CCDC171: variants seen among roughly 807,000 people sequenced by gnomAD.
CCDC171 encodes coiled-coil domain-containing protein 171.
CCDC171 carries 177 observed loss-of-function variants against 168.2 expected under a neutral mutation model. The observed-to-expected ratio is 1.05, with a 90% CI of 0.93 to 1.19. The LOEUF (loss-of-function observed/expected upper bound fraction) is 1.19, where lower values mean the gene tolerates loss of function less well. Ranked by LOEUF, CCDC171 falls within the 50% of genes most tolerant of loss-of-function variation. CCDC171 has a pLI of 0.00. For synonymous variants in CCDC171, 687 were observed against 540.8 expected (o/e 1.27, Z -3.75); for missense variants, 1,991 against 1,539.0 (o/e 1.29, Z -4.91).
intron 18 of CCDC171, among the ~76,000 whole-genome samples, chr9:15,775,479 C>T (rs540302109): frequency 1.1e-4 from 17 of 152,114 alleles, no homozygotes; most frequent in South Asian, 2.1e-4. Flanking sequence ...CCACCACGCC[C>T]GGCTAATTTT....
intron 6 of CCDC171, among the ~76,000 whole-genome samples, chr9:15,599,834 A>G (rs1337259902): frequency 1.3e-5 from 2 of 151,846 alleles, no homozygotes; most frequent in Admixed American, 6.6e-5. Context: ...TTTCTTGGAG[A>G]CTTTCTTTGT....
At chr9:15,815,813 C>A (rs889650139) in intron 21 of CCDC171, among the ~76,000 whole-genome samples, 4 of 116,850 alleles carry the variant, frequency 3.4e-5, no homozygotes, top group Non-Finnish European at 7.7e-5. Context: ...ATTTAAAAGT[C>A]TTATCACTTT....
intron 4 of CCDC171, among the ~76,000 whole-genome samples, chr9:16,021,580 T>C (rs942485093): frequency 6.6e-6 from 1 of 152,228 alleles, no homozygotes; most frequent in African/African-American, 2.4e-5. Flanking sequence ...AATAAATTGC[T>C]TAATCTCTCT....
chr9:16,041,685 G>A (rs35839166), upstream of CCDC171, among the ~76,000 whole-genome samples: 859 of 152,314 alleles, frequency 5.6e-3, 5 homozygotes, highest in Non-Finnish European at 8.9e-3. Flanking sequence ...TTGAAAATAA[G>A]AGGGCTTATC....
Position 15,753,771 on chromosome 9 carries a change from A to G in CCDC171, c.2671+8140A>G, listed in dbSNP as rs532081128. 2.7e-3 allele frequency among the ~76,000 whole-genome samples: 415 copies of G among 152,300 alleles called. 2 individuals carry two copies. The highest frequency in any genetic ancestry group is 4.7e-3 in the Non-Finnish European group (322 of 68,030). ...AAGTTTTAAGTGTTTGTTCGCTAAG[A>G]AACACGACTTTGAGAAGAGTAAGTG... is the stretch of plus-strand genomic sequence containing the variant. On this transcript the variant is annotated intron_variant, in intron 18 of 25. Transcript: ENST00000380701.
intron 3 of CCDC171, among the ~76,000 whole-genome samples, chr9:16,016,576 C>T (rs1426738609): frequency 6.6e-6 from 1 of 152,124 alleles, no homozygotes; most frequent in Non-Finnish European, 1.5e-5. Context: ...GTCGGTGAGC[C>T]ACTTCTGCAT....
At chr9:16,076,614 C>T in the CCDC171 span, among the ~76,000 whole-genome samples, 1 of 152,222 alleles carries the variant, frequency 6.6e-6, no homozygotes, top group Admixed American at 6.5e-5. Context: ...CTCAGCCCTT[C>T]CCTCAGCACA....
chr9:15,749,541 A>G (rs1052989307), intron 18 of CCDC171, among the ~76,000 whole-genome samples: 19 of 152,178 alleles, frequency 1.2e-4, no homozygotes, highest in East Asian at 7.7e-4. Context: ...ACCACATCAC[A>G]CTTATTCTAA....
chr9:15,630,500 A>G (rs949142582), intron 7 of CCDC171, among the ~76,000 whole-genome samples: 22 of 152,192 alleles, frequency 1.4e-4, no homozygotes, highest in African/African-American at 4.3e-4. Context: ...TGTGCACCCA[A>G]TACAGGAGCA....
At chr9:15,634,893 A>G (rs2046080424) in intron 7 of CCDC171, among the ~76,000 whole-genome samples, 1 of 152,194 alleles carries the variant, frequency 6.6e-6, no homozygotes, top group African/African-American at 2.4e-5. Context: ...TGGAACTACA[A>G]TATATGGTCT....
chr9:15,975,782 A>G (rs184675852), downstream of CCDC171, among the ~76,000 whole-genome samples: 2 of 152,212 alleles, frequency 1.3e-5, no homozygotes, highest in African/African-American at 4.8e-5. Flanking sequence ...AGTAGGCTGA[A>G]TAATGGCCGT....
chr9:15,868,767 C>T (rs993257917), intron 23 of CCDC171, among the ~76,000 whole-genome samples: 3 of 151,908 alleles, frequency 2.0e-5, no homozygotes, highest in Non-Finnish European at 4.4e-5. Flanking sequence ...GAGCACTAGA[C>T]TTAGTATCCT....
At chr9:15,955,405 TA>T (rs1829692160) in intron 25 of CCDC171, among the ~76,000 whole-genome samples, 1 of 152,096 alleles carries the variant, frequency 6.6e-6, no homozygotes, top group Non-Finnish European at 1.5e-5. Context: ...TGCCTTTTGG[TA>T]CCTCTGTGAT....
the CCDC171 span, among the ~76,000 whole-genome samples, chr9:16,086,523 G>A: frequency 2.6e-5 from 4 of 151,870 alleles, no homozygotes; most frequent in African/African-American, 9.7e-5. Flanking sequence ...GGTCAGGCTG[G>A]TCTCGAACTC....
intron 21 of CCDC171, among the ~76,000 whole-genome samples, chr9:15,822,121 G>A (rs1219405820): frequency 6.6e-6 from 1 of 152,152 alleles, no homozygotes; most frequent in African/African-American, 2.4e-5. Flanking sequence ...GGGAAAACTG[G>A]CTAGCCATAT....
chr9:15,729,175 T>A (rs918801375), intron 15 of CCDC171, among the ~76,000 whole-genome samples: 2 of 152,212 alleles, frequency 1.3e-5, no homozygotes, highest in African/African-American at 2.4e-5. Context: ...GGATTTTCTT[T>A]CCAGAGTTTG....
chr9:15,982,915 CA>C (rs1311669805), intron 3 of CCDC171, among the ~76,000 whole-genome samples: 6 of 152,090 alleles, frequency 3.9e-5, no homozygotes, highest in Non-Finnish European at 5.9e-5. Context: ...GAAGGTGATG[CA>C]GGGGTGAGGT....
chr9:15,678,708 G>T (rs1433893829), intron 9 of CCDC171, 50 bp from the exon 10 acceptor site: 4 of 1,492,242 alleles, frequency 2.7e-6, no homozygotes, highest in African/African-American at 2.8e-5. Flanking sequence ...TGTAATATCA[G>T]TTGATGTAAG....
At chr9:15,578,221 T>C (rs1326612240) in intron 3 of CCDC171, among the ~76,000 whole-genome samples, 1 of 151,452 alleles carries the variant, frequency 6.6e-6, no homozygotes, top group Admixed American at 6.6e-5. Context: ...GTTTTTTAGG[T>C]ATGAATATTT....
Sources: allele counts gnomAD v4.1 joint callset (sites outside exome capture counted in the v4.1 genomes callset), GRCh38; gene constraint gnomAD v4.1.1; transcripts MANE v1.5; gene names NCBI Gene and HGNC (gene_info 2026-07-23, HGNC 2026-07-21).